Variants in IGSF11 observed in about 807,000 individuals in gnomAD.
IGSF11 encodes immunoglobulin superfamily member 11.
IGSF11 carries 22 observed loss-of-function variants against 41.0 expected under a neutral mutation model. The observed-to-expected ratio is 0.54, with a 90% confidence interval of 0.38 to 0.77. The LOEUF (loss-of-function observed/expected upper bound fraction) is 0.77. Among genes scored for constraint, IGSF11 ranks in the 30% least tolerant of loss-of-function variants. IGSF11 has a pLI of 0.00. For synonymous variants in IGSF11, 219 were observed against 201.3 expected (o/e 1.09, Z -0.74); for missense variants, 444 against 530.8 (o/e 0.84, Z 1.61).
intron 1 of IGSF11, among the ~76,000 whole-genome samples, chr3:118,954,432 G>T (rs1559954170): frequency 6.6e-6 from 1 of 151,930 alleles, no homozygotes; most frequent in Non-Finnish European, 1.5e-5. Context: ...TAGTTATTTT[G>T]CTATTTCCAA....
chr3:118,911,684 G>C (rs1940320955), intron 4 of IGSF11, among the ~76,000 whole-genome samples: 1 of 151,722 alleles, frequency 6.6e-6, no homozygotes, highest in Non-Finnish European at 1.5e-5. Flanking sequence ...AGAGAGGAGA[G>C]AGAAGAGATA....
chr3:119,115,275 T>G (rs1332202683), intron 1 of IGSF11, among the ~76,000 whole-genome samples: 1 of 152,180 alleles, frequency 6.6e-6, no homozygotes, highest in Non-Finnish European at 1.5e-5. Flanking sequence ...AGCAGTGGGA[T>G]TACTGGATCA....
chr3:118,935,238 TATATATATGTATATATATATAA>T (rs1323742735), intron 1 of IGSF11, among the ~76,000 whole-genome samples: 2 of 144,518 alleles, frequency 1.4e-5, no homozygotes, highest in Non-Finnish European at 3.0e-5. Context: ...TGTATATACA[TATATATATGTATATATATATAA>T]ATATATACAC....
At chr3:119,098,172 A>G (rs2076885787) in intron 1 of IGSF11, among the ~76,000 whole-genome samples, 2 of 151,958 alleles carry the variant, frequency 1.3e-5, no homozygotes, top group South Asian at 4.2e-4. Flanking sequence ...ATGCAGGTGT[A>G]TTAAAACTGC....
At chr3:119,133,440 A>G (rs1214070466) in intron 1 of IGSF11, among the ~76,000 whole-genome samples, 1 of 152,184 alleles carries the variant, frequency 6.6e-6, no homozygotes, top group Non-Finnish European at 1.5e-5. Context: ...TACTATAAAC[A>G]CCTCTATGCA....
chr3:118,921,254 C>G (rs1278241052), intron 4 of IGSF11, among the ~76,000 whole-genome samples: 1 of 152,114 alleles, frequency 6.6e-6, no homozygotes, highest in African/African-American at 2.4e-5. Flanking sequence ...GAATATCTAT[C>G]CTGTTCAGCA....
rs1252478652 is a variant in IGSF11 at position 118,902,953 on chromosome 3, T to C, written c.863A>G (p.Asp288Gly). Reference protein sequence around the residue: ...EEIPNEIREDDLPPKCSSAKA... With the variant: ...EEIPNEIREDGLPPKCSSAKA... ...GGCAGAAGAACACTTGGGTGGAAGA[T>C]CATCCTCTCTGAAAGGAACAAAATA... Residue 288 changes from aspartate (D) to glycine (G), a missense_variant, in exon 7 of 7, where the codon GAT becomes GGT. Asp to Gly is a moderately conservative substitution (Grantham distance 94). Transcript: ENST00000393775. The C allele has an allele frequency of 6.2e-7, 1 of 1,613,448 alleles. No homozygotes were observed. The highest frequency in any genetic ancestry group is 2.2e-5 in the East Asian group (1 of 44,864).
chr3:118,989,877 CT>C (rs1935624274), intron 1 of IGSF11, among the ~76,000 whole-genome samples: 1 of 152,026 alleles, frequency 6.6e-6, no homozygotes, highest in African/African-American at 2.4e-5. Context: ...AAGAAATGGC[CT>C]TTCGGATTTA....
At chr3:118,921,217 A>G (rs1289465108) in intron 4 of IGSF11, among the ~76,000 whole-genome samples, 1 of 152,144 alleles carries the variant, frequency 6.6e-6, no homozygotes, top group African/African-American at 2.4e-5. Flanking sequence ...ATCTCCAACC[A>G]TTAGAATGTA....
intron 1 of IGSF11, among the ~76,000 whole-genome samples, chr3:119,094,925 G>A (rs1392685098): frequency 1.3e-5 from 2 of 151,916 alleles, no homozygotes; most frequent in East Asian, 3.9e-4. Flanking sequence ...AGCCGCCTCG[G>A]CCTCCCAAAG....
rs573292790 is a variant in IGSF11 at position 118,974,934 on chromosome 3, C to T, written c.53-44659G>A. Among the ~76,000 whole-genome samples the T allele has an allele frequency of 2.0e-5, 3 of 152,196 alleles. No individual in the cohort carries two copies. The East Asian group carries it at 5.8e-4, about 29-fold the overall frequency. On this transcript the variant is annotated intron_variant, in intron 1 of 6. Coordinates refer to ENST00000393775, the MANE Select transcript of IGSF11 (RefSeq NM_001015887.3). ...CAGATAACAAAAAAAAAAAATTGCC[C>T]TTCTCCATTTCCTAGCTTAAACATA... is the stretch of plus-strand genomic sequence containing the variant.
At position 119,017,703 on chromosome 3, in the gene IGSF11, AT is replaced by A. The variant is rs545922824; in HGVS notation, c.52+16827del. Among the ~76,000 whole-genome samples the A allele has an allele frequency of 7.6e-3, 1,135 of 149,982 alleles. 23 individuals are homozygous for A. The highest frequency in any genetic ancestry group is 0.026 in the African/African-American group (1,061 of 40,750). On this transcript the variant is annotated intron_variant, in intron 1 of 6. Transcript: ENST00000393775. ...CTGAAAGACTAGTTAGGCATTCAAA[AT>A]TTTTTTTTCCCTTTTCTCCTCTAAA...
chr3:119,097,511 T>C (rs534442091), intron 1 of IGSF11, among the ~76,000 whole-genome samples: 1 of 152,002 alleles, frequency 6.6e-6, no homozygotes, highest in South Asian at 2.1e-4. Context: ...GGGGGTGAGG[T>C]TCACCCCAAA....
chr3:118,924,673 G>A (rs1942131792), intron 4 of IGSF11, among the ~76,000 whole-genome samples: 1 of 151,974 alleles, frequency 6.6e-6, no homozygotes, highest in South Asian at 2.1e-4. Context: ...GAAATAAAGA[G>A]GTTATGGAAG....
chr3:119,069,397 T>G (rs1942333876), intron 1 of IGSF11, among the ~76,000 whole-genome samples: 1 of 152,204 alleles, frequency 6.6e-6, no homozygotes, highest in Non-Finnish European at 1.5e-5. Flanking sequence ...AGAAAAATCC[T>G]TTTGGAAATG....
intron 1 of IGSF11, among the ~76,000 whole-genome samples, chr3:119,024,824 G>C (rs939210409): frequency 4.6e-5 from 7 of 152,070 alleles, no homozygotes; most frequent in Admixed American, 1.3e-4. Flanking sequence ...AGCAGAGAAA[G>C]ATCATAAAAA....
At chr3:119,051,934 T>A (rs1035854476) in intron 1 of IGSF11, among the ~76,000 whole-genome samples, 3 of 151,984 alleles carry the variant, frequency 2.0e-5, no homozygotes, top group African/African-American at 7.3e-5. Flanking sequence ...AACTGAACAA[T>A]AATAGTGACA....
chr3:119,007,683 C>A (rs1395732267), intron 1 of IGSF11, among the ~76,000 whole-genome samples: 1 of 152,130 alleles, frequency 6.6e-6, no homozygotes, highest in Non-Finnish European at 1.5e-5. Flanking sequence ...TTGCTTTAAC[C>A]CATCTCCCAA....
At chr3:119,094,248 A>C (rs1010201473) in intron 1 of IGSF11, among the ~76,000 whole-genome samples, 9 of 123,484 alleles carry the variant, frequency 7.3e-5, no homozygotes, top group Non-Finnish European at 8.9e-5. Context: ...AAAAAAAAAA[A>C]AAAGTTGTTG....
Sources: gnomAD v4.1 joint callset for allele counts (sites outside exome capture counted in the v4.1 genomes callset) on GRCh38, gnomAD v4.1.1 for gene constraint, MANE v1.5 for transcripts, NCBI Gene and HGNC (gene_info 2026-07-23, HGNC 2026-07-21) for gene names.